The following SMARCB1 variants were observed in gnomAD, a reference collection of about 807,000 sequenced individuals.
SMARCB1 encodes SWI/SNF related BAF chromatin remodeling complex subunit B1, also known as SWI/SNF-related matrix-associated actin-dependent regulator of chromatin subfamily B member 1.
In SMARCB1, 5 loss-of-function variants were observed where a neutral mutation model predicts 49.0. The ratio of observed to expected loss-of-function variants is 0.10; its 90% CI spans 0.05 to 0.21. The LOEUF (loss-of-function observed/expected upper bound fraction) is 0.21, where lower values mean the gene tolerates loss of function less well. SMARCB1 is among the 10% of genes least tolerant of loss of function. SMARCB1 has a pLI of 1.00. For missense variants in SMARCB1, 226 were observed against 509.2 expected, an observed-to-expected ratio of 0.44 and a Z score of 5.35; for synonymous variants, 201 against 200.1, an observed-to-expected ratio of 1.00 and a Z score of -0.04.
At chr22:23,788,458 T>G (rs1928154105) in intron 1 of SMARCB1, among the ~76,000 whole-genome samples, 1 of 152,166 alleles carries the variant, frequency 6.6e-6, no homozygotes, top group African/African-American at 2.4e-5. Context: ...TCTCACTTTG[T>G]GCAGTGGTGT....
At chr22:23,817,144 A>G in intron 6 of SMARCB1, 1 of 608,808 alleles carries the variant, frequency 1.6e-6, no homozygotes, top group Non-Finnish European at 2.9e-6. Flanking sequence ...TATTCCGGAC[A>G]CATTCAGGGG....
At chr22:23,789,383 T>A (rs961869797) in intron 1 of SMARCB1, among the ~76,000 whole-genome samples, 11 of 152,126 alleles carry the variant, frequency 7.2e-5, no homozygotes, top group African/African-American at 2.7e-4. Flanking sequence ...ATCTAATGGG[T>A]GTAAAAGTAA....
intron 7 of SMARCB1, among the ~76,000 whole-genome samples, chr22:23,828,156 C>T (rs1364741347): frequency 6.6e-6 from 1 of 152,124 alleles, no homozygotes; most frequent in African/African-American, 2.4e-5. Flanking sequence ...GGGTTCACGC[C>T]ATTCTCCTGC....
intron 6 of SMARCB1, among the ~76,000 whole-genome samples, chr22:23,821,074 T>C (rs1439279917): frequency 6.6e-6 from 1 of 152,244 alleles, no homozygotes; most frequent in Non-Finnish European, 1.5e-5. Context: ...CCAGCAGCTG[T>C]AATCCTCCTG....
chr22:23,796,372 C>T (rs1343516257), intron 3 of SMARCB1, among the ~76,000 whole-genome samples: 1 of 147,932 alleles, frequency 6.8e-6, no homozygotes, highest in Admixed American at 6.6e-5. Context: ...TAAGTAGATT[C>T]TGCAGTGACC....
rs1195462502 is a variant in SMARCB1 at position 23,837,792 on chromosome 22, G to A, written c.*3612G>A. 3 of 1,613,732 alleles carry A rather than the reference G, an allele frequency of 1.9e-6. No homozygotes were observed. The highest frequency in any genetic ancestry group is 1.1e-5 in the South Asian group (1 of 91,090). ...CCCGAGGGCTGCGGCGGCTCCACAC[G>A]TACACCAGCATGGCCATGAGGGCCT... On this transcript the variant is annotated 3_prime_UTR_variant, in exon 9 of 9. Transcript: ENST00000644036.
chr22:23,822,059 G>C (rs868834257), intron 6 of SMARCB1, among the ~76,000 whole-genome samples: 72 of 152,326 alleles, frequency 4.7e-4, no homozygotes, highest in African/African-American at 1.5e-3. Flanking sequence ...CATGACTGAA[G>C]GAAAACAAGA....
intron 3 of SMARCB1, among the ~76,000 whole-genome samples, chr22:23,797,234 G>A (rs1928816763): frequency 1.3e-5 from 2 of 150,066 alleles, no homozygotes; most frequent in South Asian, 2.2e-4. Flanking sequence ...TCCTGACCTC[G>A]TGATCCGCCC....
intron 1 of SMARCB1, 35 bp from the exon 2 acceptor site, chr22:23,791,721 G>A (rs199559974): frequency 5.0e-6 from 8 of 1,610,418 alleles, no homozygotes; most frequent in Non-Finnish European, 5.9e-6. Context: ...GTGGTGCTGC[G>A]ACCCTTATAA....
intron 3 of SMARCB1, among the ~76,000 whole-genome samples, chr22:23,798,994 G>A (rs1928949671): frequency 6.6e-6 from 1 of 150,720 alleles, no homozygotes; most frequent in South Asian, 2.1e-4. Flanking sequence ...ACCTTGCATT[G>A]AGCCCAGATG....
At chr22:23,807,614 A>T (rs1171989562) in intron 5 of SMARCB1, among the ~76,000 whole-genome samples, 1 of 151,270 alleles carries the variant, frequency 6.6e-6, no homozygotes, top group Admixed American at 6.6e-5. Context: ...AAATCAAATG[A>T]TAGATTCAGG....
Position 23,836,129 on chromosome 22 carries a change from G to A in SMARCB1, c.*1949G>A. The A allele has an allele frequency of 1.0e-6, 1 of 985,390 alleles. No homozygotes were observed. The highest frequency in any genetic ancestry group is 1.2e-6 in the Non-Finnish European group (1 of 829,928). 61.0% of individuals were successfully genotyped at this position (985,390 alleles called of 1,614,324 possible). On this transcript the variant is annotated 3_prime_UTR_variant, in exon 9 of 9. Transcript: ENST00000644036. ...CACACGTCCTCAGCTAAAAAGGGCA[G>A]GAACAGAACCTTCCAGAAGTCCCTG...
chr22:23,822,102 C>G (rs1372757902), intron 6 of SMARCB1, among the ~76,000 whole-genome samples: 1 of 152,084 alleles, frequency 6.6e-6, no homozygotes, highest in Non-Finnish European at 1.5e-5. Context: ...AGGACCATCT[C>G]TCTCCTCAGA....
chr22:23,788,742 T>G (rs1928174793), intron 1 of SMARCB1, among the ~76,000 whole-genome samples: 1 of 152,204 alleles, frequency 6.6e-6, no homozygotes, highest in African/African-American at 2.4e-5. Context: ...GTGGGTTTTA[T>G]CCTTCACAAT....
At chr22:23,801,437 A>G (rs913131581) in intron 4 of SMARCB1, 7 of 577,996 alleles carry the variant, frequency 1.2e-5, no homozygotes, top group African/African-American at 1.8e-5. Context: ...CTGTGCCACC[A>G]TTTCCCAGAG....
At chr22:23,792,359 T>C in intron 2 of SMARCB1, 1 of 319,078 alleles carries the variant, frequency 3.1e-6, no homozygotes, top group Non-Finnish European at 6.1e-6. Context: ...CTAGAGCCCA[T>C]GTGCATGTCC....
intron 4 of SMARCB1, 25 bp downstream of exon 4, chr22:23,801,106 C>T (rs371974239): frequency 2.5e-6 from 4 of 1,614,186 alleles, no homozygotes; most frequent in Non-Finnish European, 3.4e-6. Context: ...CTGCACTCAC[C>T]CTCCGTGCTG....
rs1181452898 is a variant in SMARCB1 at position 23,837,605 on chromosome 22, T to C, written c.*3425T>C. The C allele has an allele frequency of 6.4e-7, 1 of 1,563,196 alleles. No homozygotes were observed. The highest frequency in any genetic ancestry group is 8.7e-7 in the Non-Finnish European group (1 of 1,148,024). ...GAGGGGCCCCAGGGCATAAGCAGCG[T>C]GTCCTGAGGGGAGTGGCCAGCCTGG... On this transcript the variant is annotated 3_prime_UTR_variant, in exon 9 of 9. Coordinates refer to ENST00000644036, the MANE Select transcript of SMARCB1 (RefSeq NM_003073.5).
At chr22:23,813,427 G>A (rs5760045) in intron 5 of SMARCB1, among the ~76,000 whole-genome samples, 140,996 of 152,288 alleles carry the variant, frequency 0.93, 65,412 homozygotes, top group Middle Eastern at 0.97. Flanking sequence ...GAATTCCCCA[G>A]GGTCACAAGA....
Sources: allele counts gnomAD v4.1 joint callset (sites outside exome capture counted in the v4.1 genomes callset), GRCh38; gene constraint gnomAD v4.1.1; transcripts MANE v1.5; gene names NCBI Gene and HGNC (gene_info 2026-07-23, HGNC 2026-07-21).